PAFAH1B1: variants seen among roughly 807,000 people sequenced by gnomAD.
PAFAH1B1 encodes platelet activating factor acetylhydrolase 1b regulatory subunit 1, also known as platelet-activating factor acetylhydrolase IB subunit beta.
Under a neutral mutation model 57.5 loss-of-function variants are expected in PAFAH1B1, and 2 were observed. That is an observed-to-expected ratio of 0.03 (90% CI 0.01 to 0.11). The LOEUF (loss-of-function observed/expected upper bound fraction) is 0.11. Among genes scored for constraint, PAFAH1B1 ranks in the 10% least tolerant of loss-of-function variants. The pLI is 1.00. For missense variants in PAFAH1B1, 257 were observed against 512.0 expected (o/e 0.50, Z 4.81); for synonymous variants, 152 against 169.6 (o/e 0.90, Z 0.81).
intron 1 of PAFAH1B1, chr17:2,613,857 A>G: frequency 4.1e-6 from 1 of 246,464 alleles, no homozygotes; most frequent in South Asian, 5.4e-5. Context: ...GGGATCTGGC[A>G]CAGAGGTGAG....
intron 6 of PAFAH1B1, among the ~76,000 whole-genome samples, chr17:2,672,197 G>A (rs527603124): frequency 1.4e-4 from 20 of 141,566 alleles, no homozygotes; most frequent in African/African-American, 5.2e-4. Context: ...GGCGGGAAGA[G>A]CTCTTGAGCC....
intron 1 of PAFAH1B1, among the ~76,000 whole-genome samples, chr17:2,625,437 GCTT>G (rs1195314482): frequency 1.3e-5 from 2 of 152,088 alleles, no homozygotes; most frequent in Non-Finnish European, 2.9e-5. Context: ...TTTCATATGT[GCTT>G]CTTTGAGAGG....
rs1276836223 is a variant in PAFAH1B1, at chr17:2,685,397, G to A, written c.*3595G>A. The stretch of plus-strand genomic sequence containing the variant: ...GATTTCGTATGAACGTTGCTGAAGT[G>A]GTAATTGAGGAAAACAGTTCCCCAG... On this transcript the variant is annotated 3_prime_UTR_variant, in exon 11 of 11. Transcript: ENST00000397195. 1 of 152,248 alleles carries A rather than the reference G, an allele frequency of 6.6e-6. No homozygotes were observed. The highest frequency in any genetic ancestry group is 1.9e-4 in the East Asian group (1 of 5,156). 9.4% of individuals were successfully genotyped at this position (152,248 alleles called of 1,614,324 possible).
chr17:2,679,696 T>A (rs2069347047), intron 9 of PAFAH1B1: 1 of 210,032 alleles, frequency 4.8e-6, no homozygotes, highest in African/African-American at 2.4e-5. Context: ...TGAATGCCTG[T>A]ATATCCTTCA....
rs1453279704 is a variant in PAFAH1B1, at chr17:2,684,105, G to A, written c.*2303G>A. The A allele has an allele frequency of 6.6e-6, 1 of 152,654 alleles. No homozygotes were observed. The highest frequency in any genetic ancestry group is 2.4e-5 in the African/African-American group (1 of 41,454). 9.5% of individuals were successfully genotyped at this position (152,654 alleles called of 1,614,324 possible). On this transcript the variant is annotated 3_prime_UTR_variant, in exon 11 of 11. Transcript: ENST00000397195. Reference sequence around the variant, plus strand: ...TATCCTTACTTGGGAGATTGCCACAGCCTGCTGCTGAGTTGAGTTACCAGA... The same window carrying A: ...TATCCTTACTTGGGAGATTGCCACAACCTGCTGCTGAGTTGAGTTACCAGA...
chr17:2,655,183 A>ATGTG (rs34493806), intron 2 of PAFAH1B1, among the ~76,000 whole-genome samples: 2,512 of 143,902 alleles, frequency 0.017, 51 homozygotes, highest in African/African-American at 0.043. Context: ...ATATACATAT[A>ATGTG]TGTGTGTGTG....
At chr17:2,605,324 T>C (rs138536120) in intron 1 of PAFAH1B1, among the ~76,000 whole-genome samples, 79 of 151,878 alleles carry the variant, frequency 5.2e-4, no homozygotes, top group Non-Finnish European at 9.6e-4. Flanking sequence ...AGAGGAGGAG[T>C]TGTATAGAAT....
rs1027044013 is a variant in PAFAH1B1, at chr17:2,680,346, A to G, written c.1159+26A>G. 2.5e-6 allele frequency: 4 copies of G among 1,609,130 alleles called. No homozygotes were observed. In the African/African-American group the frequency reaches 5.3e-5, roughly 22 times the overall value. ...GTATGTACGCCTCGCGAGGTCTCTG[A>G]ACATTAGATTTTGGAGTGCCAGACA... is the stretch of plus-strand genomic sequence containing the variant. On this transcript the variant is annotated intron_variant, in intron 10 of 10. Transcript: ENST00000397195.
chr17:2,599,825 C>T (rs943885398), intron 1 of PAFAH1B1, among the ~76,000 whole-genome samples: 1 of 151,940 alleles, frequency 6.6e-6, no homozygotes, highest in Non-Finnish European at 1.5e-5. Context: ...TGACAGTTAA[C>T]TGAGGCCATT....
intron 1 of PAFAH1B1, among the ~76,000 whole-genome samples, chr17:2,623,586 T>C (rs2068451490): frequency 6.7e-6 from 1 of 150,342 alleles, no homozygotes; most frequent in African/African-American, 2.5e-5. Context: ...TTCTATCATA[T>C]AGTCAGGCTG....
rs77153143 is a variant in PAFAH1B1, at chr17:2,674,050, A to C, written c.672-10A>C. On this transcript the variant is annotated splice_polypyrimidine_tract_variant and intron_variant, in intron 7 of 10. Transcript: ENST00000397195. ...TCATTCACAGTGTAAGTTATTATTT[A>C]TATTGACAGCTACTGTGTGAAGACA... 5,157 of 1,582,740 alleles carry C rather than the reference A, an allele frequency of 3.3e-3. 121 individuals are homozygous for C. In the African/African-American group the frequency reaches 0.054, roughly 17 times the overall value.
intron 1 of PAFAH1B1, among the ~76,000 whole-genome samples, chr17:2,621,605 G>GTT (rs2068421993): frequency 1.1e-5 from 1 of 93,208 alleles, no homozygotes; most frequent in African/African-American, 4.7e-5. Flanking sequence ...TAGATAATCT[G>GTT]TCTTTTTTTT....
At chr17:2,594,545 C>T (rs527271839) in intron 1 of PAFAH1B1, among the ~76,000 whole-genome samples, 6 of 152,210 alleles carry the variant, frequency 3.9e-5, no homozygotes, top group Non-Finnish European at 5.9e-5. Context: ...CCAGGCATTC[C>T]GTCCCCGACT....
At position 2,667,051 on chromosome 17, in the gene PAFAH1B1, T is replaced by C. The variant is rs1249003392; in HGVS notation, c.252T>C (p.Pro84=). 1 of 1,613,978 alleles carries C rather than the reference T, an allele frequency of 6.2e-7. No homozygotes were observed. Among genetic ancestry groups the C allele is most frequent in the Admixed American group, 1.7e-5 (1 of 60,000 alleles). The change falls in exon 5 of 11, where the codon CCT becomes CCC. Residue 84 remains proline, a synonymous_variant. Coordinates refer to ENST00000397195, the MANE Select transcript of PAFAH1B1 (RefSeq NM_000430.4). ...AAGAAGAATTTACGTCAGGTGGACCTCTTGGTCAGAAACGAGACCCAAAAG... is the reference window on the plus strand; with the variant it reads ...AAGAAGAATTTACGTCAGGTGGACCCCTTGGTCAGAAACGAGACCCAAAAG... ...EAKEEFTSGG[P]LGQKRDPKEW...
At chr17:2,630,987 A>G (rs1227298416) in intron 1 of PAFAH1B1, among the ~76,000 whole-genome samples, 2 of 152,242 alleles carry the variant, frequency 1.3e-5, no homozygotes, top group Non-Finnish European at 2.9e-5. Context: ...CACGCCTGCA[A>G]TCCCAGCACT....
intron 1 of PAFAH1B1, among the ~76,000 whole-genome samples, chr17:2,607,565 G>A (rs1335492832): frequency 6.6e-6 from 1 of 151,304 alleles, no homozygotes; most frequent in African/African-American, 2.4e-5. Context: ...GCTCACTGCA[G>A]CCTCCACCTC....
intron 5 of PAFAH1B1, among the ~76,000 whole-genome samples, chr17:2,668,600 G>A (rs2069139252): frequency 6.6e-6 from 1 of 151,994 alleles, no homozygotes; most frequent in South Asian, 2.1e-4. Flanking sequence ...GATCACATGA[G>A]CCTGGGAGTT....
chr17:2,614,827 A>G (rs890145421), intron 1 of PAFAH1B1, among the ~76,000 whole-genome samples: 7 of 152,124 alleles, frequency 4.6e-5, no homozygotes, highest in Admixed American at 1.3e-4. Flanking sequence ...GCCTCAAGCA[A>G]TCCTCCCACC....
intron 2 of PAFAH1B1, among the ~76,000 whole-genome samples, chr17:2,649,095 G>A (rs1050055865): frequency 6.6e-6 from 1 of 151,052 alleles, no homozygotes; most frequent in Admixed American, 6.6e-5. Context: ...CCTGTAACCC[G>A]AGCACTTTGG....
Sources: allele counts gnomAD v4.1 joint callset (sites outside exome capture counted in the v4.1 genomes callset), GRCh38; gene constraint gnomAD v4.1.1; transcripts MANE v1.5; gene names NCBI Gene and HGNC (gene_info 2026-07-23, HGNC 2026-07-21).